GALC: variants seen among roughly 807,000 people sequenced by gnomAD.
GALC encodes galactocerebrosidase.
GALC carries 77 observed loss-of-function variants against 91.8 expected under a neutral mutation model. The observed-to-expected ratio is 0.84, with a 90% CI of 0.70 to 1.01. The LOEUF is 1.01. Ranked by LOEUF, GALC falls within the 50% of genes least tolerant of loss-of-function variation. GALC has a pLI of 0.00. For missense variants in GALC, 882 were observed against 855.9 expected, an observed-to-expected ratio of 1.03 and a Z score of -0.38; for synonymous variants, 357 against 306.7, an observed-to-expected ratio of 1.16 and a Z score of -1.71.
At chr14:87,939,629 A>G (rs1217126919) in intron 16 of GALC, among the ~76,000 whole-genome samples, 3 of 151,912 alleles carry the variant, frequency 2.0e-5, no homozygotes, top group Non-Finnish European at 2.9e-5. Flanking sequence ...AAATAGTTCA[A>G]TTATTGACTC....
At chr14:87,985,025 G>A (rs1886911810) in intron 4 of GALC, among the ~76,000 whole-genome samples, 1 of 152,022 alleles carries the variant, frequency 6.6e-6, no homozygotes, top group Non-Finnish European at 1.5e-5. Context: ...AATCAGTCAG[G>A]CAATCTAATT....
Position 87,934,216 on chromosome 14 carries a change from T to A in GALC, c.*516A>T. ...CTTAAAAAGGAAAATAAAAAAATAC[T>A]TTTTAGAGCATAAAGCATAACAGGT... On this transcript the variant is annotated 3_prime_UTR_variant, in exon 17 of 17. Coordinates refer to ENST00000261304, the MANE Select transcript of GALC (RefSeq NM_000153.4). The A allele has an allele frequency of 7.2e-7, 1 of 1,395,174 alleles. No homozygotes were observed. The highest frequency in any genetic ancestry group is 9.3e-7 in the Non-Finnish European group (1 of 1,077,386). The allele number at this position is 1,395,174 out of a possible 1,614,324, so 86.4% of individuals were successfully genotyped here. A position where few individuals can be genotyped will look rare whatever the true frequency, so the allele number is the denominator to read the frequency against.
At chr14:87,986,016 G>T (rs1886954476) in intron 4 of GALC, among the ~76,000 whole-genome samples, 1 of 152,112 alleles carries the variant, frequency 6.6e-6, no homozygotes, top group Admixed American at 6.5e-5. Flanking sequence ...TCTAAAAATA[G>T]GGTTCACTAC....
chr14:87,988,629 C>G (rs760340083), intron 1 of GALC, 106 bp from the exon 2 acceptor site: 8 of 857,516 alleles, frequency 9.3e-6, no homozygotes, highest in Non-Finnish European at 1.4e-5. Context: ...TAGCCTCAGG[C>G]AAGGTCAGGC....
Position 87,986,608 on chromosome 14 carries a change from T to C in GALC, c.329-6A>G, listed in dbSNP as rs1279980405. 8 of 1,578,042 alleles carry C rather than the reference T, an allele frequency of 5.1e-6. No individual in the cohort carries two copies. The highest frequency in any genetic ancestry group is 4.4e-5 in the South Asian group (4 of 90,304). On this transcript the variant is annotated splice_polypyrimidine_tract_variant and splice_region_variant and intron_variant, in intron 3 of 16. Coordinates refer to ENST00000261304, the MANE Select transcript of GALC (RefSeq NM_000153.4). ...GTGGGAGGGCTCAGTGCCGTCTGAATAGAGGAGAGCAAAAACGGAAGTAAT... is the reference window on the plus strand; with the variant it reads ...GTGGGAGGGCTCAGTGCCGTCTGAACAGAGGAGAGCAAAAACGGAAGTAAT...
chr14:87,950,858 T>A, intron 10 of GALC, 110 bp from the exon 11 acceptor site: 1 of 664,978 alleles, frequency 1.5e-6, no homozygotes. Flanking sequence ...ATATACTAGA[T>A]AACAAATATG....
chr14:87,953,359 T>G, intron 10 of GALC: 2 of 1,418,192 alleles, frequency 1.4e-6, no homozygotes, highest in Non-Finnish European at 2.0e-6. Context: ...TGAAGAGAAT[T>G]CCATTCAACT....
At chr14:87,935,202 T>A (rs1380915571) in intron 16 of GALC, among the ~76,000 whole-genome samples, 1 of 152,094 alleles carries the variant, frequency 6.6e-6, no homozygotes, top group Non-Finnish European at 1.5e-5. Flanking sequence ...AAAAGCTCAT[T>A]AAAATTTAAC....
intron 10 of GALC, among the ~76,000 whole-genome samples, chr14:87,952,236 C>T (rs186866542): frequency 1.3e-5 from 2 of 151,828 alleles, no homozygotes; most frequent in East Asian, 3.9e-4. Flanking sequence ...TCTAGCCAGA[C>T]TAATAAAAAA....
At chr14:87,951,194 T>A (rs557992768) in intron 10 of GALC, among the ~76,000 whole-genome samples, 2 of 151,758 alleles carry the variant, frequency 1.3e-5, no homozygotes, top group Admixed American at 6.6e-5. Context: ...TATATAGATA[T>A]CAAATACACA....
At position 87,993,119 on chromosome 14, in the gene GALC, C is replaced by G. The variant is rs770684500; in HGVS notation, c.46G>C (p.Ala16Pro). 3.8e-6 allele frequency: 6 copies of G among 1,588,626 alleles called. No homozygotes were observed. Among genetic ancestry groups the G allele is most frequent in the Non-Finnish European group, 5.1e-6 (6 of 1,168,560 alleles). ...GCCGAACCCGCGGCCGCAGTCATAG[C>G]TTTCGCTCGGCGTTGCCAGGAAGCC... ...LSASWQRRAK[A>P]MTAAAGSAGR... The change falls in exon 1 of 17, where the codon GCT becomes CCT. Residue 16 changes from alanine (A) to proline (P), a missense_variant. Ala to Pro is a conservative substitution (Grantham distance 27). Transcript: ENST00000261304.
chr14:87,963,374 A>G lies in GALC; in HGVS notation c.1161+10T>C, dbSNP rs1347257201. Reference sequence around the variant, plus strand: ...AGTGAGTTAATCCAATAGCAACAACAAAAGTTTACCATGGTTTCAATGATG... The same window carrying G: ...AGTGAGTTAATCCAATAGCAACAACGAAAGTTTACCATGGTTTCAATGATG... On this transcript the variant is annotated intron_variant, in intron 10 of 16. Coordinates refer to ENST00000261304, the MANE Select transcript of GALC (RefSeq NM_000153.4). The G allele has an allele frequency of 1.9e-6, 3 of 1,612,858 alleles. No individual in the cohort carries two copies. The highest frequency in any genetic ancestry group is 1.7e-4 in the Middle Eastern group (1 of 6,052).
At chr14:87,966,456 G>C (rs1330165827) in intron 8 of GALC, among the ~76,000 whole-genome samples, 1 of 151,818 alleles carries the variant, frequency 6.6e-6, no homozygotes, top group Admixed American at 6.6e-5. Context: ...AAAAAACAAA[G>C]CTTACCCACA....
chr14:87,958,112 T>C (rs567049784), intron 10 of GALC, among the ~76,000 whole-genome samples: 8 of 149,372 alleles, frequency 5.4e-5, no homozygotes, highest in Non-Finnish European at 3.0e-5. Flanking sequence ...CAAATTATAC[T>C]ACAAGGCTAT....
intron 6 of GALC, among the ~76,000 whole-genome samples, chr14:87,979,408 T>C (rs1277996243): frequency 2.1e-4 from 32 of 152,134 alleles, no homozygotes; most frequent in Admixed American, 2.1e-3. Context: ...AGTAAAAAGT[T>C]TTTGTATCCT....
At chr14:87,955,645 T>C (rs1235484742) in intron 10 of GALC, among the ~76,000 whole-genome samples, 3 of 152,122 alleles carry the variant, frequency 2.0e-5, no homozygotes, top group Non-Finnish European at 4.4e-5. Flanking sequence ...GATTAGTTTA[T>C]ATAAACCTCT....
chr14:87,934,794 T>C lies in GALC; in HGVS notation c.1996A>G (p.Ile666Val), dbSNP rs530417759. 14 of 1,613,158 alleles carry C rather than the reference T, an allele frequency of 8.7e-6. No individual in the cohort carries two copies. Among genetic ancestry groups the C allele is most frequent in the Middle Eastern group, 3.3e-4 (2 of 6,056 alleles). The change falls in exon 17 of 17, where the codon ATT (isoleucine) becomes GTT (valine). Residue 666 changes from isoleucine to valine, a missense_variant. Physicochemically the swap from Ile to Val is conservative, Grantham distance 29. Coordinates refer to ENST00000261304, the MANE Select transcript of GALC (RefSeq NM_000153.4). Reference protein sequence around the residue: ...VNFPKNGWAAIGTHSFEFAQF... With the variant: ...VNFPKNGWAAVGTHSFEFAQF... ...GCAAATTCAAAGGAGTGAGTTCCAA[T>C]TGCAGCCCAGCCATTCTTTGGAAAA...
rs77096090 is a variant in GALC, at chr14:87,976,191, T to A, written c.752+167A>T. 6.7e-3 allele frequency among the ~76,000 whole-genome samples: 1,014 copies of A among 152,240 alleles called. 15 individuals carry two copies. The highest frequency in any genetic ancestry group is 0.044 in the East Asian group (230 of 5,184). On this transcript the variant is annotated intron_variant, in intron 7 of 16. Coordinates refer to ENST00000261304, the MANE Select transcript of GALC (RefSeq NM_000153.4). Reference sequence around the variant, plus strand: ...TCATAGAAAGATCCTAAAATATATTTAAAAGAGAAAATAATGAACTATGAG... The same window carrying A: ...TCATAGAAAGATCCTAAAATATATTAAAAAGAGAAAATAATGAACTATGAG...
At chr14:87,973,356 G>A (rs1886372426) in intron 7 of GALC, among the ~76,000 whole-genome samples, 1 of 146,566 alleles carries the variant, frequency 6.8e-6, no homozygotes, top group African/African-American at 2.5e-5. Context: ...GGTAGAGTGA[G>A]ATTAAAAGAA....
Sources: allele counts gnomAD v4.1 joint callset (sites outside exome capture counted in the v4.1 genomes callset), GRCh38; gene constraint gnomAD v4.1.1; transcripts MANE v1.5; gene names NCBI Gene and HGNC (gene_info 2026-07-23, HGNC 2026-07-21).